Variants in DPY19L3 observed in about 807,000 individuals in gnomAD.
DPY19L3 encodes protein C-mannosyl-transferase DPY19L3.
Under a neutral mutation model 92.3 loss-of-function variants are expected in DPY19L3, and 51 were observed. The ratio of observed to expected loss-of-function variants is 0.55; its 90% confidence interval spans 0.44 to 0.70. The LOEUF is 0.70. DPY19L3 is among the 30% of genes least tolerant of loss of function. The pLI is 0.00. For missense variants in DPY19L3, 706 were observed against 855.9 expected (o/e 0.82, Z 2.18); for synonymous variants, 309 against 315.2 (o/e 0.98, Z 0.21).
At chr19:32,439,269 C>A in intron 7 of DPY19L3, 34 bp downstream of exon 7, 1 of 1,590,984 alleles carries the variant, frequency 6.3e-7, no homozygotes, top group Non-Finnish European at 8.6e-7. Context: ...TATTTTAATC[C>A]CCCAATTTTA....
chr19:32,473,124 TAAATG>T (rs1472045698), intron 16 of DPY19L3, among the ~76,000 whole-genome samples: 1 of 152,222 alleles, frequency 6.6e-6, no homozygotes, highest in Non-Finnish European at 1.5e-5. Context: ...GCTTCAAAAA[TAAATG>T]AGATTATTTG....
chr19:32,470,379 A>G (rs1970320878), intron 16 of DPY19L3, among the ~76,000 whole-genome samples: 2 of 152,334 alleles, frequency 1.3e-5, no homozygotes, highest in East Asian at 3.9e-4. Flanking sequence ...TTTCAGGACT[A>G]TGCTGTTGAA....
chr19:32,434,823 T>C (rs1969085795), intron 4 of DPY19L3, among the ~76,000 whole-genome samples: 2 of 152,178 alleles, frequency 1.3e-5, no homozygotes, highest in South Asian at 4.1e-4. Context: ...ACAGCCACCT[T>C]CTTGCTGTGT....
chr19:32,416,958 A>T (rs184478258), intron 3 of DPY19L3, among the ~76,000 whole-genome samples: 94 of 152,314 alleles, frequency 6.2e-4, no homozygotes, highest in Non-Finnish European at 1.0e-3. Context: ...GGCCAGCCCC[A>T]ATCCTGAGTC....
At position 32,482,083 on chromosome 19, in the gene DPY19L3, T is replaced by G. The variant is rs775597558; in HGVS notation, c.1994T>G (p.Met665Arg). The G allele has an allele frequency of 6.2e-7, 1 of 1,606,516 alleles. No homozygotes were observed. The highest frequency in any genetic ancestry group is 1.7e-5 in the Admixed American group (1 of 57,670). The change falls in exon 19 of 19, where the codon ATG becomes AGG. Residue 665 changes from methionine (M) to arginine (R), a missense_variant. Met to Arg is a moderately conservative substitution (Grantham distance 91, BLOSUM62 -1). Coordinates refer to ENST00000392250, the MANE Select transcript of DPY19L3 (RefSeq NM_001172774.2). The part of the protein sequence containing the change: ...DLLDIANGHM[M>R]DGPGENDPDL... Reference sequence around the variant, plus strand: ...TTGGGTTTGTTTTGGTTTTAGATGATGGATGGCCCAGGAGAGAATGATCCT... The same window carrying G: ...TTGGGTTTGTTTTGGTTTTAGATGAGGGATGGCCCAGGAGAGAATGATCCT...
chr19:32,436,372 T>G, intron 4 of DPY19L3, 74 bp from the exon 5 acceptor site: 1 of 1,174,956 alleles, frequency 8.5e-7, no homozygotes, highest in Non-Finnish European at 1.1e-6. Flanking sequence ...TACTAAACAA[T>G]CTGTGCATAG....
At chr19:32,478,452 T>A (rs970018480) in intron 17 of DPY19L3, among the ~76,000 whole-genome samples, 1 of 152,222 alleles carries the variant, frequency 6.6e-6, no homozygotes, top group Non-Finnish European at 1.5e-5. Context: ...TTTTAATAGA[T>A]AATAATACAG....
intron 8 of DPY19L3, among the ~76,000 whole-genome samples, chr19:32,447,720 C>CATAG (rs56116714): frequency 0.076 from 9,946 of 131,602 alleles, 416 homozygotes; most frequent in Non-Finnish European, 0.094. Flanking sequence ...CCGTCTCATT[C>CATAG]ATAGATAGAT....
intron 16 of DPY19L3, 143 bp from the exon 17 acceptor site, chr19:32,477,379 G>A (rs1012610199): frequency 3.1e-5 from 34 of 1,105,544 alleles, no homozygotes; most frequent in Non-Finnish European, 3.7e-5. Flanking sequence ...AATCAAAACC[G>A]AAGCAAACTC....
intron 8 of DPY19L3, among the ~76,000 whole-genome samples, chr19:32,449,628 T>A (rs1969631823): frequency 6.6e-6 from 1 of 152,164 alleles, no homozygotes; most frequent in Non-Finnish European, 1.5e-5. Context: ...CAAGAAATGG[T>A]CAATTAATTT....
chr19:32,446,130 G>A (rs1417851301), intron 8 of DPY19L3, among the ~76,000 whole-genome samples: 2 of 152,146 alleles, frequency 1.3e-5, no homozygotes, highest in Non-Finnish European at 2.9e-5. Flanking sequence ...GGAGGTTAGG[G>A]TTCTATGCCT....
intron 3 of DPY19L3, among the ~76,000 whole-genome samples, chr19:32,423,973 A>T (rs554199876): frequency 2.0e-5 from 3 of 151,946 alleles, no homozygotes; most frequent in Admixed American, 6.6e-5. Flanking sequence ...AGATTGTGCC[A>T]TTGGCCTCCA....
At chr19:32,479,434 C>G (rs1970607560) in intron 17 of DPY19L3, among the ~76,000 whole-genome samples, 1 of 152,088 alleles carries the variant, frequency 6.6e-6, no homozygotes, top group Non-Finnish European at 1.5e-5. Context: ...CTGACATCCT[C>G]AAGGCCCTAC....
At chr19:32,407,067 A>G in intron 1 of DPY19L3, among the ~76,000 whole-genome samples, 1 of 147,112 alleles carries the variant, frequency 6.8e-6, no homozygotes, top group East Asian at 2.0e-4. Context: ...TTTGTTCTGT[A>G]GAGCAAGTTA....
At chr19:32,445,784 T>C (rs1288052522) in intron 8 of DPY19L3, among the ~76,000 whole-genome samples, 1 of 152,166 alleles carries the variant, frequency 6.6e-6, no homozygotes, top group Non-Finnish European at 1.5e-5. Flanking sequence ...GTGGATCACC[T>C]GAGGTTAGGA....
At chr19:32,446,763 C>A (rs917564085) in intron 8 of DPY19L3, among the ~76,000 whole-genome samples, 1 of 152,142 alleles carries the variant, frequency 6.6e-6, no homozygotes, top group African/African-American at 2.4e-5. Flanking sequence ...AATTCACAAT[C>A]GCAGTTTGAG....
At chr19:32,480,671 A>G (rs1355833245) in intron 18 of DPY19L3, 114 bp downstream of exon 18, 1 of 1,326,474 alleles carries the variant, frequency 7.5e-7, no homozygotes, top group African/African-American at 1.5e-5. Flanking sequence ...TACGCTACGA[A>G]TCAAGTATTT....
intron 8 of DPY19L3, among the ~76,000 whole-genome samples, chr19:32,445,983 C>T (rs993418014): frequency 6.6e-6 from 1 of 151,064 alleles, no homozygotes; most frequent in Admixed American, 6.6e-5. Flanking sequence ...GCCTGGGAGA[C>T]GAGTGAAACT....
Position 32,439,766 on chromosome 19 carries a change from C to G in DPY19L3, c.721-10C>G. The stretch of plus-strand genomic sequence containing the variant: ...GACATGTAAATTATACAAAGGTTTT[C>G]TTTTTACAGAGGCTGACACTTCTTG... On this transcript the variant is annotated splice_polypyrimidine_tract_variant and intron_variant, in intron 7 of 18. Coordinates refer to ENST00000392250, the MANE Select transcript of DPY19L3 (RefSeq NM_001172774.2). The G allele has an allele frequency of 1.2e-6, 2 of 1,609,934 alleles. No homozygotes were observed. The highest frequency in any genetic ancestry group is 1.7e-6 in the Non-Finnish European group (2 of 1,178,744).
Sources: allele counts gnomAD v4.1 joint callset (sites outside exome capture counted in the v4.1 genomes callset), GRCh38; gene constraint gnomAD v4.1.1; transcripts MANE v1.5; gene names NCBI Gene and HGNC (gene_info 2026-07-23, HGNC 2026-07-21).